Variants in DOCK9 observed in about 807,000 individuals in gnomAD.
DOCK9 encodes the protein dedicator of cytokinesis protein 9.
Under a neutral mutation model 263.3 loss-of-function variants are expected in DOCK9, and 89 were observed. The ratio of observed to expected loss-of-function variants is 0.34; its 90% CI spans 0.28 to 0.40. The LOEUF is 0.40. Ranked by LOEUF, DOCK9 falls within the 10% of genes least tolerant of loss-of-function variation. The pLI, the probability that DOCK9 is intolerant of heterozygous loss-of-function variation, is 1.00. For missense variants in DOCK9, 2,140 were observed against 2,603.4 expected, an observed-to-expected ratio of 0.82 and a Z score of 3.87; for synonymous variants, 976 against 973.1, an observed-to-expected ratio of 1.00 and a Z score of -0.06.
chr13:98,841,292 A>G (rs913451426), intron 38 of DOCK9, among the ~76,000 whole-genome samples: 2 of 152,212 alleles, frequency 1.3e-5, no homozygotes, highest in African/African-American at 4.8e-5. Flanking sequence ...TTTAAACCTA[A>G]TGTTGAGTTG....
At chr13:98,828,238 C>T (rs1224392874) in intron 43 of DOCK9, among the ~76,000 whole-genome samples, 2 of 152,216 alleles carry the variant, frequency 1.3e-5, no homozygotes, top group East Asian at 3.8e-4. Context: ...TGAGAGGATA[C>T]ATTTCTGTGT....
intron 1 of DOCK9, among the ~76,000 whole-genome samples, chr13:99,049,353 C>T (rs1017751100): frequency 2.6e-5 from 4 of 151,672 alleles, no homozygotes; most frequent in Admixed American, 6.6e-5. Context: ...GCCTTGTCAT[C>T]GGGAGGCATG....
chr13:98,853,520 G>A lies in DOCK9; in HGVS notation c.3834C>T (p.His1278=), dbSNP rs1451592639. Residue 1278 remains histidine (H), a splice_region_variant and synonymous_variant, in exon 35 of 53, where the codon CAC becomes CAT. Coordinates refer to ENST00000682017, the MANE Select transcript of DOCK9 (RefSeq NM_001366683.2). ...AATTTCCCAATGTGCTACTTTGTTG[G>A]TGCTAAAAAGAAAATACAGGTGATT... ...NSEKSNSLDK[H]QQSSTLGNSV... 1.2e-6 allele frequency: 2 copies of A among 1,605,356 alleles called. No homozygotes were observed. The highest frequency in any genetic ancestry group is 2.7e-5 in the African/African-American group (2 of 74,490).
At position 99,085,830 on chromosome 13, in the gene DOCK9, AGAGGGAGGCCGGGGGAGGGATACGGGG is replaced by A. The variant is rs2042309861; in HGVS notation, c.129+366_129+392del. The stretch of plus-strand genomic sequence containing the variant: ...CTGCGCCCCTCCAAAACATGGAAGG[AGAGGGAGGCCGGGGGAGGGATACGGGG>A]GAGGGATGCGGGGGAGGGGGGAGAG... On this transcript the variant is annotated intron_variant, in intron 1 of 32. Transcript: ENST00000427887. Among the ~76,000 whole-genome samples, 4 of 99,418 alleles carry A rather than the reference AGAGGGAGGCCGGGGGAGGGATACGGGG, an allele frequency of 4.0e-5. No individual in the cohort carries two copies. The South Asian group carries it at 1.6e-3, about 40-fold the overall frequency. 65.2% of individuals were successfully genotyped at this position (99,418 alleles called of 152,430 possible).
intron 1 of DOCK9, among the ~76,000 whole-genome samples, chr13:99,044,905 T>A (rs754004873): frequency 5.9e-5 from 9 of 152,160 alleles, no homozygotes; most frequent in Non-Finnish European, 1.2e-4. Flanking sequence ...GATTTTACCA[T>A]ACTGAGAGCA....
chr13:98,834,526 G>GT (rs1188877426), intron 39 of DOCK9: 1 of 152,184 alleles, frequency 6.6e-6, no homozygotes, highest in Non-Finnish European at 1.5e-5. Flanking sequence ...TTATGTGTTA[G>GT]TCCTCACTGT....
At chr13:98,985,981 C>A (rs1439642610) in intron 1 of DOCK9, among the ~76,000 whole-genome samples, 1 of 152,238 alleles carries the variant, frequency 6.6e-6, no homozygotes, top group African/African-American at 2.4e-5. Flanking sequence ...CTCACTACAT[C>A]ACAAATGCTG....
chr13:99,070,378 TC>T (rs1277526593), intron 1 of DOCK9, among the ~76,000 whole-genome samples: 2 of 152,254 alleles, frequency 1.3e-5, no homozygotes, highest in Non-Finnish European at 2.9e-5. Context: ...TCCTATCTTT[TC>T]ATGTGTTTCC....
At chr13:98,894,174 G>A (rs1181331791) in intron 15 of DOCK9, among the ~76,000 whole-genome samples, 1 of 152,148 alleles carries the variant, frequency 6.6e-6, no homozygotes, top group African/African-American at 2.4e-5. Flanking sequence ...CGCCACTGTG[G>A]GGAAGTCTCA....
intron 45 of DOCK9, among the ~76,000 whole-genome samples, chr13:98,811,728 C>T (rs562665725): frequency 1.7e-4 from 26 of 152,294 alleles, no homozygotes; most frequent in Admixed American, 1.6e-3. Flanking sequence ...GTTTTCTTAA[C>T]AGTGTCTTTT....
At chr13:98,863,348 C>T in intron 31 of DOCK9, 22 bp downstream of exon 31, 1 of 1,604,794 alleles carries the variant, frequency 6.2e-7, no homozygotes, top group Non-Finnish European at 8.5e-7. Flanking sequence ...AATGCACATT[C>T]CTTCCATTGG....
intron 2 of DOCK9, among the ~76,000 whole-genome samples, chr13:98,953,615 A>T (rs546105534): frequency 1.3e-5 from 2 of 152,372 alleles, no homozygotes; most frequent in East Asian, 3.9e-4. Context: ...TGTTGAGAGA[A>T]ATTTGAGATA....
chr13:98,809,283 T>TTTTTTG (rs757772126), intron 47 of DOCK9, 69 bp downstream of exon 47: 8 of 534,634 alleles, frequency 1.5e-5, no homozygotes, highest in Non-Finnish European at 2.3e-5. Context: ...TTATAGTTTT[T>TTTTTTG]TTTTTGTTTT....
intron 32 of DOCK9, 38 bp downstream of exon 32, chr13:98,862,981 C>T: frequency 1.9e-6 from 3 of 1,546,882 alleles, no homozygotes; most frequent in Non-Finnish European, 2.6e-6. Context: ...TCCCCGGGAC[C>T]TGATATAGGC....
At chr13:98,903,755 C>A (rs2048685820) in intron 10 of DOCK9, among the ~76,000 whole-genome samples, 1 of 151,842 alleles carries the variant, frequency 6.6e-6, no homozygotes, top group Non-Finnish European at 1.5e-5. Context: ...AACAGATTTA[C>A]AAGGATATAT....
intron 33 of DOCK9, chr13:98,856,676 C>T (rs750609495): frequency 2.6e-5 from 4 of 152,226 alleles, no homozygotes. Flanking sequence ...AACAGGTACA[C>T]ACCACCCATT....
chr13:99,058,665 C>T (rs2041042097), intron 1 of DOCK9, among the ~76,000 whole-genome samples: 1 of 152,158 alleles, frequency 6.6e-6, no homozygotes, highest in African/African-American at 2.4e-5. Context: ...CAGTGGAGGC[C>T]TGGAAGCACC....
chr13:99,069,932 G>A (rs2142361531), intron 1 of DOCK9, among the ~76,000 whole-genome samples: 1 of 152,274 alleles, frequency 6.6e-6, no homozygotes. Flanking sequence ...TGATTTCTCT[G>A]GTCTTTAATT....
At chr13:98,856,227 C>T (rs2141705315) in intron 33 of DOCK9, 196 bp from the exon 34 acceptor site, 1 of 503,712 alleles carries the variant, frequency 2.0e-6, no homozygotes, top group South Asian at 3.7e-5. Flanking sequence ...TAGTCTGAAA[C>T]ATTCAGATGT....
Sources: allele counts gnomAD v4.1 joint callset (sites outside exome capture counted in the v4.1 genomes callset), GRCh38; gene constraint gnomAD v4.1.1; transcripts MANE v1.5; gene names NCBI Gene and HGNC (gene_info 2026-07-23, HGNC 2026-07-21).